Variants in ACOT12 observed in about 807,000 individuals in gnomAD.
ACOT12 encodes acyl-CoA thioesterase 12.
In ACOT12, 51 loss-of-function variants were observed where a neutral mutation model predicts 67.7. That is an observed-to-expected ratio of 0.75 (90% CI 0.60 to 0.95). The LOEUF (loss-of-function observed/expected upper bound fraction) is 0.95, where lower values mean the gene tolerates loss of function less well. ACOT12 is among the 40% of genes least tolerant of loss of function. The probability of loss-of-function intolerance (pLI) is 0.00; values close to 1 mark genes in which losing one functional copy is unlikely to be tolerated. For synonymous variants in ACOT12, 251 were observed against 244.6 expected (o/e 1.03, Z -0.24); for missense variants, 734 against 708.1 (o/e 1.04, Z -0.41).
At chr5:81,314,169 A>G in the ACOT12 span, among the ~76,000 whole-genome samples, 1 of 151,974 alleles carries the variant, frequency 6.6e-6, no homozygotes, top group Admixed American at 6.6e-5. Flanking sequence ...CAGTGGCACA[A>G]TCTTGGCTTA....
At chr5:81,366,074 AC>A (rs1465224447) in intron 3 of ACOT12, among the ~76,000 whole-genome samples, 1 of 152,230 alleles carries the variant, frequency 6.6e-6, no homozygotes, top group Non-Finnish European at 1.5e-5. Context: ...GCCAGATTTC[AC>A]TGAATATATA....
chr5:81,330,249 C>A lies in ACOT12; in HGVS notation c.*145G>T. ...AATCACTGGTATTTGACTTAAGATG[C>A]ATTTTGTTTTTTAACTCCGTCACTG... On this transcript the variant is annotated 3_prime_UTR_variant, in exon 15 of 15. Transcript: ENST00000307624. 1.2e-6 allele frequency: 1 copy of A among 812,306 alleles called. No individual in the cohort carries two copies. Among genetic ancestry groups the A allele is most frequent in the Non-Finnish European group, 1.8e-6 (1 of 542,746 alleles). The allele number at this position is 812,306 out of a possible 1,614,324, so 50.3% of individuals were successfully genotyped here.
the ACOT12 span, among the ~76,000 whole-genome samples, chr5:81,316,520 G>T: frequency 1.3e-5 from 2 of 152,138 alleles, no homozygotes; most frequent in Non-Finnish European, 2.9e-5. Context: ...GGGCATTTGG[G>T]TGTTTGCCAC....
At chr5:81,310,949 CT>C in the ACOT12 span, among the ~76,000 whole-genome samples, 1 of 152,188 alleles carries the variant, frequency 6.6e-6, no homozygotes, top group Non-Finnish European at 1.5e-5. Flanking sequence ...GAACAAGTGC[CT>C]TCCATCATAT....
At chr5:81,316,425 G>A in the ACOT12 span, among the ~76,000 whole-genome samples, 1 of 152,048 alleles carries the variant, frequency 6.6e-6, no homozygotes, top group Non-Finnish European at 1.5e-5. Context: ...TTTGTGATTG[G>A]CTTCCTTCAG....
At chr5:81,358,679 A>C (rs1759801024) in intron 5 of ACOT12, among the ~76,000 whole-genome samples, 1 of 152,160 alleles carries the variant, frequency 6.6e-6, no homozygotes, top group South Asian at 2.1e-4. Flanking sequence ...GTGAAACCCC[A>C]TCTCTACTAA....
chr5:81,340,212 T>C (rs1759149085), intron 11 of ACOT12, among the ~76,000 whole-genome samples: 1 of 151,834 alleles, frequency 6.6e-6, no homozygotes, highest in African/African-American at 2.4e-5. Context: ...TAATTTTTTA[T>C]TTTTAGTAGA....
At chr5:81,372,865 AAGG>A (rs1177847382) in intron 2 of ACOT12, among the ~76,000 whole-genome samples, 3 of 152,242 alleles carry the variant, frequency 2.0e-5, no homozygotes, top group Non-Finnish European at 4.4e-5. Context: ...TACTGACTTC[AAGG>A]AGACCAATCT....
chr5:81,308,851 A>G, the ACOT12 span: 1 of 1,383,682 alleles, frequency 7.2e-7, no homozygotes, highest in South Asian at 1.5e-5. Context: ...TAAGTTATGT[A>G]AATATATTTT....
chr5:81,347,971 C>A, intron 5 of ACOT12, 41 bp from the exon 6 acceptor site: 3 of 1,588,466 alleles, frequency 1.9e-6, no homozygotes, highest in South Asian at 1.1e-5. Context: ...TGGAGTGAAC[C>A]ATAGGCCCTG....
chr5:81,362,246 A>C (rs899659679), intron 4 of ACOT12, among the ~76,000 whole-genome samples: 2 of 150,546 alleles, frequency 1.3e-5, no homozygotes, highest in Non-Finnish European at 2.9e-5. Flanking sequence ...GCTCACCGCA[A>C]CTTCTGCCTC....
At chr5:81,377,794 T>C (rs1303810691) in intron 2 of ACOT12, among the ~76,000 whole-genome samples, 1 of 152,136 alleles carries the variant, frequency 6.6e-6, no homozygotes, top group East Asian at 1.9e-4. Context: ...GTGAAGGACC[T>C]CTTCAAGGAG....
chr5:81,345,912 G>A lies in ACOT12; in HGVS notation c.746C>T (p.Ala249Val). ...GGTCTGAAATGTATTGTTGACAATG[G>A]CAGTGAAGACAAGACGATCTCCAAC... ...STVGDRLVFT[A>V]IVNNTFQTCV... Residue 249 changes from alanine to valine, a missense_variant, in exon 7 of 15, where the codon GCC becomes GTC. Coordinates refer to ENST00000307624, the MANE Select transcript of ACOT12 (RefSeq NM_130767.3). The A allele has an allele frequency of 6.2e-7, 1 of 1,613,946 alleles. No individual in the cohort carries two copies. The highest frequency in any genetic ancestry group is 8.5e-7 in the Non-Finnish European group (1 of 1,179,902).
Position 81,342,723 on chromosome 5 carries a change from G to C in ACOT12, c.1077C>G (p.Leu359=), listed in dbSNP as rs1759238227. The part of the protein sequence containing the change: ...ASLSDSNVEA[L]KKLAAKRGWE... ...AACCCCTTTTGGCTGCCAGTTTTTT[G>C]AGGGCCTCCACATTGCTGTCACTCA... Residue 359 remains leucine (L), a synonymous_variant, in exon 11 of 15, where the codon CTC becomes CTG. Transcript: ENST00000307624. 6.2e-7 allele frequency: 1 copy of C among 1,614,130 alleles called. No homozygotes were observed. The highest frequency in any genetic ancestry group is 1.3e-5 in the African/African-American group (1 of 75,020).
At chr5:81,309,547 G>T in the ACOT12 span, among the ~76,000 whole-genome samples, 1 of 152,084 alleles carries the variant, frequency 6.6e-6, no homozygotes, top group Non-Finnish European at 1.5e-5. Flanking sequence ...AAGTCTATGC[G>T]GTCTAAAGCT....
the ACOT12 span, among the ~76,000 whole-genome samples, chr5:81,324,932 A>G: frequency 6.6e-6 from 1 of 152,234 alleles, no homozygotes; most frequent in Non-Finnish European, 1.5e-5. Context: ...GACCACCTCT[A>G]TAGACCACTG....
At chr5:81,332,049 T>TCAATGTA (rs562756825) in intron 13 of ACOT12, among the ~76,000 whole-genome samples, 71 of 152,336 alleles carry the variant, frequency 4.7e-4, no homozygotes, top group African/African-American at 1.7e-3. Context: ...TCTGAGAAGT[T>TCAATGTA]CAATGTACAT....
chr5:81,349,828 C>T (rs114932514), intron 5 of ACOT12, among the ~76,000 whole-genome samples: 1,775 of 152,232 alleles, frequency 0.012, 34 homozygotes, highest in African/African-American at 0.04. Context: ...TTACTCTCAA[C>T]AGAATATTTT....
the ACOT12 span, among the ~76,000 whole-genome samples, chr5:81,312,293 C>A: frequency 6.6e-6 from 1 of 152,220 alleles, no homozygotes; most frequent in Non-Finnish European, 1.5e-5. Flanking sequence ...AATGAAAGAG[C>A]TTTCTCATCA....
Sources: gnomAD v4.1 joint callset for allele counts (sites outside exome capture counted in the v4.1 genomes callset) on GRCh38, gnomAD v4.1.1 for gene constraint, MANE v1.5 for transcripts, NCBI Gene and HGNC (gene_info 2026-07-23, HGNC 2026-07-21) for gene names.